CPB2: variants seen among roughly 807,000 people sequenced by gnomAD.
The protein encoded by CPB2 is carboxypeptidase B2, also known as carboxypeptidase B-like protein.
In CPB2, 54 loss-of-function variants were observed where a neutral mutation model predicts 57.0. The observed-to-expected ratio is 0.95, with a 90% CI of 0.76 to 1.19. CPB2 has a LOEUF of 1.19. CPB2 is among the 50% of genes most tolerant of loss of function. CPB2 has a pLI of 0.00. For missense variants in CPB2, 426 were observed against 512.0 expected, an observed-to-expected ratio of 0.83 and a Z score of 1.62; for synonymous variants, 189 against 178.1, an observed-to-expected ratio of 1.06 and a Z score of -0.49.
At chr13:46,074,364 C>A (rs1015523876) in intron 5 of CPB2, among the ~76,000 whole-genome samples, 1 of 152,082 alleles carries the variant, frequency 6.6e-6, no homozygotes, top group African/African-American at 2.4e-5. Context: ...GGCAATCTTC[C>A]CCGGGAGGTG....
chr13:46,057,094 C>T (rs905868423), intron 9 of CPB2, among the ~76,000 whole-genome samples: 1 of 151,798 alleles, frequency 6.6e-6, no homozygotes, highest in Middle Eastern at 3.2e-3. Flanking sequence ...TTTAAACATC[C>T]ATTGACAAGG....
At chr13:46,098,621 C>G (rs2045396147) in intron 1 of CPB2, 1 of 152,258 alleles carries the variant, frequency 6.6e-6, no homozygotes, top group Admixed American at 6.5e-5. Flanking sequence ...TAGGACTTGC[C>G]CTTGCCTGAA....
At chr13:46,055,090 A>T (rs9534300) in intron 10 of CPB2, among the ~76,000 whole-genome samples, 113,609 of 148,824 alleles carry the variant, frequency 0.76, 43,808 homozygotes, top group African/African-American at 0.86. Context: ...AAAAAAAAAA[A>T]GGAAAAACCT....
intron 1 of CPB2, among the ~76,000 whole-genome samples, chr13:46,089,967 T>C (rs2045267416): frequency 1.3e-5 from 2 of 152,238 alleles, no homozygotes; most frequent in Admixed American, 1.3e-4. Flanking sequence ...CAGGTTTTAT[T>C]AGTGATTATA....
At chr13:46,072,393 G>A (rs1023093556) in intron 6 of CPB2, among the ~76,000 whole-genome samples, 1 of 152,118 alleles carries the variant, frequency 6.6e-6, no homozygotes, top group Non-Finnish European at 1.5e-5. Flanking sequence ...CAGATGATCT[G>A]AATTAGTTTT....
intron 6 of CPB2, among the ~76,000 whole-genome samples, chr13:46,072,464 T>C (rs2044957802): frequency 6.6e-6 from 1 of 152,218 alleles, no homozygotes; most frequent in African/African-American, 2.4e-5. Flanking sequence ...TATGTTTCTT[T>C]GGGCTACACA....
intron 1 of CPB2, among the ~76,000 whole-genome samples, chr13:46,103,880 C>T (rs2045464392): frequency 6.6e-6 from 1 of 152,154 alleles, no homozygotes; most frequent in South Asian, 2.1e-4. Flanking sequence ...AGACATAAGT[C>T]ACTGATCATT....
chr13:46,088,608 T>A (rs1262219807), intron 1 of CPB2, among the ~76,000 whole-genome samples: 1 of 152,222 alleles, frequency 6.6e-6, no homozygotes. Flanking sequence ...TTGTATCAAT[T>A]TATATTGTCA....
chr13:46,071,049 T>G (rs958044901), intron 6 of CPB2, among the ~76,000 whole-genome samples: 6 of 152,172 alleles, frequency 3.9e-5, no homozygotes, highest in African/African-American at 1.4e-4. Context: ...TTCAATGCTA[T>G]TAATATAAGT....
At chr13:46,075,539 G>C (rs1003299491) in intron 5 of CPB2, among the ~76,000 whole-genome samples, 1 of 152,220 alleles carries the variant, frequency 6.6e-6, no homozygotes, top group South Asian at 2.1e-4. Flanking sequence ...CAAATGTCAT[G>C]GGTGGATATG....
Position 46,103,743 on chromosome 13 carries a change from G to A in CPB2, c.74+1193C>T, listed in dbSNP as rs2045463260. On this transcript the variant is annotated intron_variant, in intron 1 of 10. Transcript: ENST00000181383. Reference sequence around the variant, plus strand: ...TGTGTACAGTAGCCAAGTTGGACATGTTGATACCAATTTTTCTCTTCTCCC... The same window carrying A: ...TGTGTACAGTAGCCAAGTTGGACATATTGATACCAATTTTTCTCTTCTCCC... 2.6e-5 allele frequency among the ~76,000 whole-genome samples: 4 copies of A among 152,142 alleles called. 1 individual carries two copies. The South Asian group carries it at 6.2e-4, about 24-fold the overall frequency.
At chr13:46,091,295 TA>T (rs1470853231) in intron 1 of CPB2, among the ~76,000 whole-genome samples, 1 of 152,224 alleles carries the variant, frequency 6.6e-6, no homozygotes. Flanking sequence ...ACTTTTAATG[TA>T]CTTAATGTAC....
At chr13:46,074,725 C>G (rs1195848462) in intron 5 of CPB2, among the ~76,000 whole-genome samples, 1 of 152,046 alleles carries the variant, frequency 6.6e-6, no homozygotes, top group Non-Finnish European at 1.5e-5. Flanking sequence ...CACTAGGGAC[C>G]AGTTTCATGG....
chr13:46,066,611 G>A (rs7334627), intron 7 of CPB2, among the ~76,000 whole-genome samples: 52,245 of 151,952 alleles, frequency 0.34, 9,217 homozygotes, highest in African/African-American at 0.39. Flanking sequence ...TTGGGAGGCC[G>A]AGGCAGGTGC....
chr13:46,079,567 A>G (rs1276384152), intron 4 of CPB2, among the ~76,000 whole-genome samples: 1 of 151,706 alleles, frequency 6.6e-6, no homozygotes, highest in East Asian at 1.9e-4. Context: ...AAAAGAAAAG[A>G]AAAGAAAAAA....
chr13:46,067,700 A>G (rs532101702), intron 6 of CPB2, among the ~76,000 whole-genome samples: 1 of 152,208 alleles, frequency 6.6e-6, no homozygotes, highest in Non-Finnish European at 1.5e-5. Context: ...TATTAAAGCC[A>G]TAGAGCCCAC....
chr13:46,067,317 G>T lies in CPB2; in HGVS notation c.692C>A (p.Ser231Ter), dbSNP rs2044871362. 1 of 1,510,030 alleles carries T rather than the reference G, an allele frequency of 6.6e-7. No individual in the cohort carries two copies. Among genetic ancestry groups the T allele is most frequent in the Non-Finnish European group, 9.2e-7 (1 of 1,087,304 alleles). The allele number at this position is 1,510,030 out of a possible 1,614,324, so 93.5% of individuals were successfully genotyped here. A position where few individuals can be genotyped will look rare whatever the true frequency, so the allele number is the denominator to read the frequency against. The stretch of plus-strand genomic sequence containing the variant: ...TGCCTTTTCTCCTACCTTTTTCCAT[G>T]AGTAGTCATAACCATCCACATTAAC... ...PVVNVDGYDY[S>*]WKKNRMWRKN... Residue 231 changes from serine to a stop codon, truncating the protein, a stop_gained, in exon 7 of 11, where the codon TCA (serine) becomes TAA (stop). Transcript: ENST00000181383. LOFTEE classifies it high-confidence loss of function.
intron 5 of CPB2, among the ~76,000 whole-genome samples, chr13:46,076,613 A>C (rs2045026490): frequency 6.6e-6 from 1 of 152,178 alleles, no homozygotes; most frequent in South Asian, 2.1e-4. Flanking sequence ...TACTCTTCAT[A>C]GAAAGAGAAA....
At chr13:46,071,126 T>A (rs1223485196) in intron 6 of CPB2, among the ~76,000 whole-genome samples, 1 of 152,116 alleles carries the variant, frequency 6.6e-6, no homozygotes, top group African/African-American at 2.4e-5. Context: ...CTGTGGAGTG[T>A]TTGGGGTTGG....
Sources: allele counts gnomAD v4.1 joint callset (sites outside exome capture counted in the v4.1 genomes callset), GRCh38; gene constraint gnomAD v4.1.1; transcripts MANE v1.5; gene names NCBI Gene and HGNC (gene_info 2026-07-23, HGNC 2026-07-21).